The following PPP2R1A variants were observed in gnomAD, a reference collection of about 807,000 sequenced individuals.
PPP2R1A encodes the protein protein phosphatase 2 scaffold subunit Aalpha, also known as serine/threonine-protein phosphatase 2A 65 kDa regulatory subunit A alpha isoform.
A neutral mutation model predicts 67.1 loss-of-function variants in PPP2R1A; 15 were observed. The observed-to-expected ratio is 0.22, with a 90% CI of 0.15 to 0.34. The LOEUF is 0.34. Ranked by LOEUF, PPP2R1A falls within the 10% of genes least tolerant of loss-of-function variation. PPP2R1A has a pLI of 1.00. For synonymous variants in PPP2R1A, 337 were observed against 325.0 expected (o/e 1.04, Z -0.40); for missense variants, 369 against 775.0 (o/e 0.48, Z 6.22).
At chr19:52,218,416 G>T (rs1056975600) in intron 9 of PPP2R1A, among the ~76,000 whole-genome samples, 1 of 152,082 alleles carries the variant, frequency 6.6e-6, no homozygotes, top group Non-Finnish European at 1.5e-5. Context: ...ATTGAAAAGA[G>T]TGCGCTATTT....
chr19:52,201,051 C>T (rs1218374589), intron 1 of PPP2R1A: 4 of 151,546 alleles, frequency 2.6e-5, no homozygotes, highest in African/African-American at 9.8e-5. Context: ...GCTAACCCTC[C>T]GTTTAGGATG....
chr19:52,193,517 G>A (rs575186488), intron 1 of PPP2R1A, among the ~76,000 whole-genome samples: 1 of 152,298 alleles, frequency 6.6e-6, no homozygotes, highest in East Asian at 1.9e-4. Flanking sequence ...GATGTCAGTG[G>A]CAGTAATTGC....
At position 52,226,094 on chromosome 19, in the gene PPP2R1A, AC is replaced by A; in HGVS notation, c.*117del. 1 of 1,514,608 alleles carries A rather than the reference AC, an allele frequency of 6.6e-7. No individual in the cohort carries two copies. The highest frequency in any genetic ancestry group is 9.1e-7 in the Non-Finnish European group (1 of 1,095,664). The allele number at this position is 1,514,608 out of a possible 1,614,324, so 93.8% of individuals were successfully genotyped here. A position where few individuals can be genotyped will look rare whatever the true frequency, so the allele number is the denominator to read the frequency against. ...GCTGTCACTCCCTGTGCATGGTCTGACCCCAGGCCCCTTCCCCCAGCACGGT... is the reference window on the plus strand; with the variant it reads ...GCTGTCACTCCCTGTGCATGGTCTGACCCAGGCCCCTTCCCCCAGCACGGT... On this transcript the variant is annotated 3_prime_UTR_variant, in exon 15 of 15. Coordinates refer to ENST00000322088, the MANE Select transcript of PPP2R1A (RefSeq NM_014225.6).
Position 52,221,193 on chromosome 19 carries a change from G to A in PPP2R1A, c.1518+60G>A, listed in dbSNP as rs1978904977. ...GGGAACTGGAGCGCGTGGGAGAGGAGGGATGCTAGAGGGTTCCCCAAGGGA... is the reference window on the plus strand; with the variant it reads ...GGGAACTGGAGCGCGTGGGAGAGGAAGGATGCTAGAGGGTTCCCCAAGGGA... On this transcript the variant is annotated intron_variant, in intron 12 of 14. Coordinates refer to ENST00000322088, the MANE Select transcript of PPP2R1A (RefSeq NM_014225.6). 5 of 1,603,386 alleles carry A rather than the reference G, an allele frequency of 3.1e-6. No homozygotes were observed. In the South Asian group the frequency reaches 4.4e-5, roughly 14 times the overall value.
chr19:52,219,595 A>T lies in PPP2R1A; in HGVS notation c.1129-96A>T. On this transcript the variant is annotated intron_variant, in intron 9 of 14. Coordinates refer to ENST00000322088, the MANE Select transcript of PPP2R1A (RefSeq NM_014225.6). The surrounding 1 kb of genome is among the most constrained non-coding windows in gnomAD (Gnocchi z 4.0). ...TTGGACAGGAGTAGTCCCTCGGGAG[A>T]TGTCCATAAAAGTTGATGCAGCTGA... is the stretch of plus-strand genomic sequence containing the variant. 1 of 1,289,154 alleles carries T rather than the reference A, an allele frequency of 7.8e-7. No homozygotes were observed. The allele number at this position is 1,289,154 out of a possible 1,614,324, so 79.9% of individuals were successfully genotyped here.
Position 52,212,014 on chromosome 19 carries a change from T to G in PPP2R1A, c.503+522T>G, listed in dbSNP as rs1380759359. Among the ~76,000 whole-genome samples the G allele has an allele frequency of 6.6e-6, 1 of 152,214 alleles. No individual in the cohort carries two copies. The highest frequency in any genetic ancestry group is 6.5e-5 in the Admixed American group (1 of 15,282). On this transcript the variant is annotated intron_variant, in intron 4 of 14. Coordinates refer to ENST00000322088, the MANE Select transcript of PPP2R1A (RefSeq NM_014225.6). This position sits in a 1 kb window ranked among gnomAD's most constrained non-coding sequence, Gnocchi z 4.1. ...TACTTACACTGGCCCCCACCGCCTT[T>G]GATCGAAGCAATTGCTGCTGAAAAA... is the stretch of plus-strand genomic sequence containing the variant.
Position 52,228,204 on chromosome 19 carries a change from A to G in PPP2R1A, c.*2223A>G, listed in dbSNP as rs1600177189. 6.6e-6 allele frequency: 1 copy of G among 152,468 alleles called. No homozygotes were observed. Among genetic ancestry groups the G allele is most frequent in the African/African-American group, 2.4e-5 (1 of 41,560 alleles). 9.4% of individuals were successfully genotyped at this position (152,468 alleles called of 1,614,324 possible). On this transcript the variant is annotated 3_prime_UTR_variant, in exon 15 of 15. Coordinates refer to ENST00000322088, the MANE Select transcript of PPP2R1A (RefSeq NM_014225.6). ...GGGCAAGTGATGGAATGGGATTATT[A>G]CAGGAGGTGGAGGTGCGATGGATAC...
chr19:52,223,031 C>T (rs528509980), intron 13 of PPP2R1A, among the ~76,000 whole-genome samples: 3 of 152,242 alleles, frequency 2.0e-5, no homozygotes, highest in Admixed American at 6.5e-5. Flanking sequence ...CTACCAGAGA[C>T]GAAGACTTAT....
chr19:52,199,016 T>A (rs968321908), intron 1 of PPP2R1A, among the ~76,000 whole-genome samples: 2 of 152,244 alleles, frequency 1.3e-5, no homozygotes, highest in African/African-American at 4.8e-5. Context: ...TCCTCAGGGC[T>A]GTTGCTCACC....
chr19:52,210,257 T>C (rs1320279326), intron 3 of PPP2R1A, among the ~76,000 whole-genome samples: 1 of 152,128 alleles, frequency 6.6e-6, no homozygotes, highest in East Asian at 1.9e-4. Flanking sequence ...GCTCTGGGGA[T>C]ACAGTGGAGA....
At chr19:52,209,310 C>T (rs977842905) in intron 3 of PPP2R1A, among the ~76,000 whole-genome samples, 5 of 152,146 alleles carry the variant, frequency 3.3e-5, no homozygotes, top group African/African-American at 1.2e-4. Context: ...ACAAGAGGAA[C>T]TCTGTCCCTG....
intron 13 of PPP2R1A, among the ~76,000 whole-genome samples, chr19:52,224,216 G>A (rs1163657009): frequency 6.6e-6 from 1 of 152,226 alleles, no homozygotes; most frequent in Non-Finnish European, 1.5e-5. Context: ...CTGAAAGTGT[G>A]GGACCCACAA....
Position 52,216,422 on chromosome 19 carries a change from G to T in PPP2R1A, c.994-107G>T. 7.1e-7 allele frequency: 1 copy of T among 1,406,702 alleles called. No individual in the cohort carries two copies. Among genetic ancestry groups the T allele is most frequent in the South Asian group, 1.3e-5 (1 of 78,592 alleles). 87.1% of individuals were successfully genotyped at this position (1,406,702 alleles called of 1,614,324 possible). On this transcript the variant is annotated intron_variant, in intron 8 of 14. Coordinates refer to ENST00000322088, the MANE Select transcript of PPP2R1A (RefSeq NM_014225.6). This position sits in a 1 kb window ranked among gnomAD's most constrained non-coding sequence, Gnocchi z 4.3. ...CTAAGCCATCCCCTGCTCTATGAAT[G>T]AGAGGGGCAGAAGCAGGTTATTGTC... is the stretch of plus-strand genomic sequence containing the variant.
chr19:52,225,892 G>A, intron 14 of PPP2R1A, 73 bp from the exon 15 acceptor site: 1 of 1,613,258 alleles, frequency 6.2e-7, no homozygotes, highest in African/African-American at 1.3e-5. Flanking sequence ...GCTTCTGGGA[G>A]GGGGAGGTAC....
At chr19:52,201,818 A>T in intron 1 of PPP2R1A, 126 bp from the exon 2 acceptor site, 1 of 771,320 alleles carries the variant, frequency 1.3e-6, no homozygotes, top group Non-Finnish European at 2.1e-6. Context: ...TTGCCAAATT[A>T]CTCTTGAGCA....
intron 3 of PPP2R1A, among the ~76,000 whole-genome samples, chr19:52,206,573 G>T (rs1308064247): frequency 1.3e-5 from 2 of 152,104 alleles, no homozygotes; most frequent in African/African-American, 4.8e-5. Context: ...CTGTTTATGG[G>T]TGAGCCACCT....
At chr19:52,206,663 G>C (rs1406165698) in intron 3 of PPP2R1A, among the ~76,000 whole-genome samples, 1 of 152,118 alleles carries the variant, frequency 6.6e-6, no homozygotes, top group Non-Finnish European at 1.5e-5. Flanking sequence ...CTGTCCATTT[G>C]ACTGTCTGCC....
rs1568594622 is a variant in PPP2R1A at position 52,213,475 on chromosome 19, T to TG, written c.807+365_807+366insG. 1.7e-5 allele frequency among the ~76,000 whole-genome samples: 2 copies of TG among 120,442 alleles called. No homozygotes were observed. Among genetic ancestry groups the TG allele is most frequent in the Non-Finnish European group, 3.4e-5 (2 of 58,608 alleles). 79.0% of individuals were successfully genotyped at this position (120,442 alleles called of 152,430 possible). On this transcript the variant is annotated intron_variant, in intron 6 of 14. Transcript: ENST00000322088. This position sits in a 1 kb window ranked among gnomAD's most constrained non-coding sequence, Gnocchi z 4.2. The stretch of plus-strand genomic sequence containing the variant: ...TTTTGGTGTTTTTTTTTTTTTTTTT[T>TG]TTTTTTTTTTTTAAGATGGAGTCTG...
intron 1 of PPP2R1A, among the ~76,000 whole-genome samples, chr19:52,198,186 AT>A (rs946880240): frequency 6.6e-6 from 1 of 152,212 alleles, no homozygotes; most frequent in Non-Finnish European, 1.5e-5. Context: ...AGGTACAAGG[AT>A]TGCCCAAGAT....
Sources: gnomAD v4.1 joint callset for allele counts (sites outside exome capture counted in the v4.1 genomes callset) on GRCh38, gnomAD v4.1.1 for gene constraint, Gnocchi (gnomAD v3.1) non-coding constraint, MANE v1.5 for transcripts, NCBI Gene and HGNC (gene_info 2026-07-23, HGNC 2026-07-21) for gene names.